SBNO2: variants seen among roughly 807,000 people sequenced by gnomAD.
SBNO2 encodes protein strawberry notch homolog 2.
A neutral mutation model predicts 146.3 loss-of-function variants in SBNO2; 89 were observed. The observed-to-expected ratio is 0.61, with a 90% confidence interval of 0.51 to 0.73. The LOEUF (loss-of-function observed/expected upper bound fraction) is 0.73, where lower values mean the gene tolerates loss of function less well. Ranked by LOEUF, SBNO2 falls within the 30% of genes least tolerant of loss-of-function variation. The pLI is 0.00. For synonymous variants in SBNO2, 1,147 were observed against 892.6 expected (o/e 1.29, Z -5.08); for missense variants, 2,092 against 2,003.7 (o/e 1.04, Z -0.84).
At position 1,119,058 on chromosome 19, in the gene SBNO2, G is replaced by T. The variant is rs1408648350; in HGVS notation, c.1480C>A (p.Pro494Thr). 6.2e-7 allele frequency: 1 copy of T among 1,605,622 alleles called. No homozygotes were observed. Among genetic ancestry groups the T allele is most frequent in the South Asian group, 1.1e-5 (1 of 90,116 alleles). The change falls in exon 14 of 32, where the codon CCG becomes ACG. Residue 494 changes from proline to threonine, a missense_variant. Pro to Thr is a conservative substitution (Grantham distance 38, BLOSUM62 -1). Transcript: ENST00000361757. ...ACGCACTCGAAGGCTGGGGCCAGCG[G>T]GATCTCCTCGATGCGGAAGGTGACG... ...SGVTFRIEEI[P>T]LAPAFECVYN... is the part of the protein sequence containing the mutation.
intron 4 of SBNO2, chr19:1,131,966 C>A (rs899219735): frequency 1.2e-5 from 7 of 589,054 alleles, no homozygotes; most frequent in Middle Eastern, 6.6e-4. Context: ...TAGATCCTGG[C>A]GGCCTCGGAC....
At chr19:1,135,614 C>G (rs768139497) in intron 4 of SBNO2, among the ~76,000 whole-genome samples, 1 of 152,242 alleles carries the variant, frequency 6.6e-6, no homozygotes, top group Non-Finnish European at 1.5e-5. Flanking sequence ...CCGGTCTCTC[C>G]CTCCGCCTCT....
At chr19:1,153,707 T>C (rs2080263013) in intron 2 of SBNO2, among the ~76,000 whole-genome samples, 1 of 151,916 alleles carries the variant, frequency 6.6e-6, no homozygotes, top group Non-Finnish European at 1.5e-5. Flanking sequence ...CTGGCTAAGT[T>C]TGGTATCTTT....
chr19:1,112,384 G>A lies in SBNO2; in HGVS notation c.2515+18C>T. On this transcript the variant is annotated intron_variant, in intron 21 of 31. Coordinates refer to ENST00000361757, the MANE Select transcript of SBNO2 (RefSeq NM_014963.3). This position sits in a 1 kb window ranked among gnomAD's most constrained non-coding sequence, Gnocchi z 5.9. ...TGGGGGCGGGGCCAGGCAGCGCTGG[G>A]GGCGGGGCCGGACTCACCGAACTGC... 6.3e-7 allele frequency: 1 copy of A among 1,591,082 alleles called. No individual in the cohort carries two copies. The highest frequency in any genetic ancestry group is 1.1e-5 in the South Asian group (1 of 89,262).
chr19:1,121,366 G>A (rs1228171568), intron 11 of SBNO2, among the ~76,000 whole-genome samples: 1 of 152,180 alleles, frequency 6.6e-6, no homozygotes. Flanking sequence ...GTTCAGCCGG[G>A]TGCGAAGACA....
Position 1,159,068 on chromosome 19 carries a change from C to A in SBNO2, c.-126-4666G>T, listed in dbSNP as rs559823470. On this transcript the variant is annotated intron_variant, in intron 1 of 31. Transcript: ENST00000361757. ...CCATGACCCCACCTGCGGCTGCAAC[C>A]GCCGCCCCACAGCCGTGACCCCACC... is the stretch of plus-strand genomic sequence containing the variant. 5.4e-5 allele frequency among the ~76,000 whole-genome samples: 8 copies of A among 149,104 alleles called. No homozygotes were observed. In the South Asian group the frequency reaches 1.7e-3, roughly 31 times the overall value.
In SBNO2 at chr19:1,154,408, G is replaced by T; in HGVS notation, c.-126-6C>A. ...GGTGGCGGCAGCATCATGATCTGCA[G>T]AGGGAGACGGGGACGTCCTGAGAGT... On this transcript the variant is annotated splice_region_variant and splice_polypyrimidine_tract_variant and intron_variant, in intron 1 of 31. Transcript: ENST00000361757. The T allele has an allele frequency of 2.4e-6, 1 of 423,722 alleles. No individual in the cohort carries two copies. Among genetic ancestry groups the T allele is most frequent in the Non-Finnish European group, 4.0e-6 (1 of 251,036 alleles). 26.2% of individuals were successfully genotyped at this position (423,722 alleles called of 1,614,324 possible).
intron 11 of SBNO2, among the ~76,000 whole-genome samples, chr19:1,120,701 G>A (rs906232644): frequency 1.2e-4 from 18 of 151,592 alleles, no homozygotes; most frequent in Middle Eastern, 3.4e-3. Context: ...ACGAAGTCTC[G>A]CTCTGTCACT....
At chr19:1,128,117 C>T (rs1292196133) in intron 4 of SBNO2, 11 of 505,482 alleles carry the variant, frequency 2.2e-5, no homozygotes, top group South Asian at 7.8e-5. Context: ...TGTGACAGAG[C>T]GAGAGAGTGA....
Position 1,123,031 on chromosome 19 carries a change from G to C in SBNO2, c.643C>G (p.Gln215Glu). 1 of 1,592,096 alleles carries C rather than the reference G, an allele frequency of 6.3e-7. No homozygotes were observed. Residue 215 changes from glutamine to glutamate, a missense_variant, in exon 8 of 32, where the codon CAG (glutamine) becomes GAG (glutamate). Transcript: ENST00000361757. ...GTCTCCACCACGCGGTCTGGGTGCT[G>C]CTTCCCGATCTTGGCTGGAGGAGCA... ...YVPSKSKIGKQHPDRVVETST... is the reference protein window; with the variant it reads ...YVPSKSKIGKEHPDRVVETST...
At chr19:1,111,815 C>CA (rs2079764516) in intron 23 of SBNO2, among the ~76,000 whole-genome samples, 181 bp downstream of exon 23, 1 of 151,336 alleles carries the variant, frequency 6.6e-6, no homozygotes, top group East Asian at 1.9e-4. Context: ...CCCTGGATGC[C>CA]ACCTCCCTGA....
chr19:1,157,897 C>T lies in SBNO2; in HGVS notation c.-126-3495G>A, dbSNP rs551252275. On this transcript the variant is annotated intron_variant, in intron 1 of 31. Coordinates refer to ENST00000361757, the MANE Select transcript of SBNO2 (RefSeq NM_014963.3). The surrounding 1 kb of genome is among the most constrained non-coding windows in gnomAD (Gnocchi z 6.8). ...TGCATCTGCCTCCCAGCTCTCTCTC[C>T]TGAGTCCGGATAACTGTCCGCCTCC... 1.3e-3 allele frequency among the ~76,000 whole-genome samples: 189 copies of T among 149,010 alleles called. 1 individual carries two copies. Among genetic ancestry groups the T allele is most frequent in the African/African-American group, 4.5e-3 (180 of 40,052 alleles).
At chr19:1,113,038 C>T (rs1333101660) in intron 19 of SBNO2, 89 bp from the exon 20 acceptor site, 2 of 1,440,110 alleles carry the variant, frequency 1.4e-6, no homozygotes, top group African/African-American at 2.8e-5. Flanking sequence ...CTATGTCCTA[C>T]AGTGGTCATG....
At chr19:1,127,873 A>G (rs949155330) in intron 4 of SBNO2, 108 bp from the exon 5 acceptor site, 7 of 1,034,616 alleles carry the variant, frequency 6.8e-6, no homozygotes, top group Non-Finnish European at 8.7e-6. Flanking sequence ...CACACACTGG[A>G]GCATGTGGGA....
chr19:1,113,467 G>C (rs570447957), intron 19 of SBNO2, 68 bp downstream of exon 19: 1 of 1,362,496 alleles, frequency 7.3e-7, no homozygotes, highest in African/African-American at 1.5e-5. Context: ...GCTGCACACA[G>C]CCTGCGTGAA....
chr19:1,117,422 C>CTGGCCCCA lies in SBNO2; in HGVS notation c.1597_1604dup (p.Gln535HisfsTer76). 6.3e-7 allele frequency: 1 copy of CTGGCCCCA among 1,591,278 alleles called. No individual in the cohort carries two copies. Among genetic ancestry groups the CTGGCCCCA allele is most frequent in the Non-Finnish European group, 8.5e-7 (1 of 1,170,362 alleles). The stretch of plus-strand genomic sequence containing the variant: ...AGAAGCGCTGGTGTGCCGACCAGAA[C>CTGGCCCCA]TGGCCCCACAGGGACTTGCGCGACT... On this transcript the variant is annotated frameshift_variant, in exon 15 of 32. Coordinates refer to ENST00000361757, the MANE Select transcript of SBNO2 (RefSeq NM_014963.3). LOFTEE classifies it high-confidence loss of function.
rs1006087063 is a variant in SBNO2 at position 1,108,534 on chromosome 19, G to T, written c.3787C>A (p.Pro1263Thr). The part of the protein sequence containing the change: ...PGEVLDLTYS[P>T]PAEAFPPPPH... Reference sequence around the variant, plus strand: ...GGCGGCGGGAAGGCCTCGGCCGGGGGGCTGTAGGTGAGGTCCAGCACCTCT... The same window carrying T: ...GGCGGCGGGAAGGCCTCGGCCGGGGTGCTGTAGGTGAGGTCCAGCACCTCT... Residue 1263 changes from proline (P) to threonine (T), a missense_variant, in exon 32 of 32, where the codon CCC becomes ACC. Transcript: ENST00000361757. The T allele has an allele frequency of 8.2e-7, 1 of 1,221,796 alleles. No homozygotes were observed. Among genetic ancestry groups the T allele is most frequent in the African/African-American group, 1.6e-5 (1 of 61,718 alleles). The allele number at this position is 1,221,796 out of a possible 1,614,324, so 75.7% of individuals were successfully genotyped here. A position where few individuals can be genotyped will look rare whatever the true frequency, so the allele number is the denominator to read the frequency against.
intron 1 of SBNO2, among the ~76,000 whole-genome samples, chr19:1,156,268 AC>A (rs2080289003): frequency 6.6e-6 from 1 of 151,958 alleles, no homozygotes; most frequent in Non-Finnish European, 1.5e-5. Context: ...GGCTCAGGGG[AC>A]CGGGTTCTTC....
intron 4 of SBNO2, among the ~76,000 whole-genome samples, chr19:1,143,658 C>A (rs548233508): frequency 1.3e-5 from 2 of 152,116 alleles, no homozygotes; most frequent in East Asian, 1.9e-4. Flanking sequence ...GCCCCTTCTT[C>A]CCCCTTCACG....
Sources: gnomAD v4.1 joint callset for allele counts (sites outside exome capture counted in the v4.1 genomes callset) on GRCh38, gnomAD v4.1.1 for gene constraint, Gnocchi (gnomAD v3.1) non-coding constraint, MANE v1.5 for transcripts, NCBI Gene and HGNC (gene_info 2026-07-23, HGNC 2026-07-21) for gene names.